The following TOP3A variants were observed in gnomAD, a reference collection of about 807,000 sequenced individuals.
TOP3A encodes DNA topoisomerase 3-alpha.
TOP3A carries 64 observed loss-of-function variants against 111.3 expected under a neutral mutation model. The observed-to-expected ratio is 0.57, with a 90% confidence interval of 0.47 to 0.71. TOP3A has a LOEUF of 0.71. Ranked by LOEUF, TOP3A falls within the 30% of genes least tolerant of loss-of-function variation. The probability of loss-of-function intolerance (pLI) is 0.00; values close to 1 mark genes in which losing one functional copy is unlikely to be tolerated. For missense variants in TOP3A, 1,104 were observed against 1,285.0 expected (o/e 0.86, Z 2.15); for synonymous variants, 484 against 485.1 (o/e 1.00, Z 0.03).
chr17:18,286,536 A>T (rs1464118481), intron 13 of TOP3A, among the ~76,000 whole-genome samples: 1 of 152,098 alleles, frequency 6.6e-6, no homozygotes, highest in East Asian at 1.9e-4. Flanking sequence ...ACAAAAAAAC[A>T]ACCAAAAAAA....
rs1979001186 is a variant in TOP3A at position 18,271,661 on chromosome 17, GAC to G, written c.*3139_*3140del. 3 of 321,006 alleles carry G rather than the reference GAC, an allele frequency of 9.3e-6. No individual in the cohort carries two copies. The highest frequency in any genetic ancestry group is 2.2e-5 in the South Asian group (1 of 45,584). The allele number at this position is 321,006 out of a possible 1,614,324, so 19.9% of individuals were successfully genotyped here. On this transcript the variant is annotated 3_prime_UTR_variant, in exon 19 of 19. Coordinates refer to ENST00000321105, the MANE Select transcript of TOP3A (RefSeq NM_004618.5). ...GCCCAATCCTGCAGTTTGCTTTTGA[GAC>G]ACACAGTTGCCTGCAGAGATGTGAA...
chr17:18,277,872 G>A lies in TOP3A; in HGVS notation c.2630C>T (p.Pro877Leu), dbSNP rs1161685644. 6 of 1,614,058 alleles carry A rather than the reference G, an allele frequency of 3.7e-6. No homozygotes were observed. The South Asian group carries it at 6.6e-5, about 18-fold the overall frequency. Residue 877 changes from proline (P) to leucine (L), a missense_variant, in exon 18 of 19, where the codon CCA (proline) becomes CTA (leucine). Transcript: ENST00000321105. Reference sequence around the variant, plus strand: ...GCCAAACCCACCTAGGTGGATCCCTGGGCCTGGTGGGCATCCCAGGGAGGC... The same window carrying A: ...GCCAAACCCACCTAGGTGGATCCCTAGGCCTGGTGGGCATCCCAGGGAGGC... ...LGASLGCPPG[P>L]GIHLGGFGNP...
intron 17 of TOP3A, among the ~76,000 whole-genome samples, chr17:18,278,572 A>G (rs1567734311): frequency 6.6e-6 from 1 of 152,222 alleles, no homozygotes; most frequent in Non-Finnish European, 1.5e-5. Context: ...GATGAAATCT[A>G]AGATCCCAGT....
At chr17:18,291,981 G>T (rs1357792235) in intron 11 of TOP3A, among the ~76,000 whole-genome samples, 2 of 151,994 alleles carry the variant, frequency 1.3e-5, no homozygotes, top group Non-Finnish European at 2.9e-5. Context: ...CACAGTGTTG[G>T]GATTACAAGC....
At chr17:18,298,670 G>A (rs1456510737) in intron 9 of TOP3A, among the ~76,000 whole-genome samples, 1 of 151,786 alleles carries the variant, frequency 6.6e-6, no homozygotes, top group Non-Finnish European at 1.5e-5. Context: ...TGTGTAGAAA[G>A]AGGTAGACGT....
intron 9 of TOP3A, among the ~76,000 whole-genome samples, chr17:18,295,254 G>C (rs1220140843): frequency 6.6e-6 from 1 of 152,164 alleles, no homozygotes; most frequent in Non-Finnish European, 1.5e-5. Context: ...CTGGGTTCAA[G>C]TGATTCTCCT....
intron 16 of TOP3A, among the ~76,000 whole-genome samples, chr17:18,281,442 T>G (rs1010791318): frequency 2.0e-5 from 3 of 152,032 alleles, no homozygotes; most frequent in Non-Finnish European, 4.4e-5. Context: ...AACTAAAGAA[T>G]AATAATAATT....
At position 18,272,559 on chromosome 17, in the gene TOP3A, A is replaced by G. The variant is rs1056078505; in HGVS notation, c.*2243T>C. Among the ~76,000 whole-genome samples, 4 of 152,228 alleles carry G rather than the reference A, an allele frequency of 2.6e-5. No homozygotes were observed. The highest frequency in any genetic ancestry group is 9.6e-5 in the African/African-American group (4 of 41,464). The stretch of plus-strand genomic sequence containing the variant: ...ACTGACAAATGGATAATCGTGTGGT[A>G]TATTCATACAGTGGGCTATCAGCTT... On this transcript the variant is annotated 3_prime_UTR_variant, in exon 19 of 19. Coordinates refer to ENST00000321105, the MANE Select transcript of TOP3A (RefSeq NM_004618.5).
At chr17:18,290,447 A>G in intron 13 of TOP3A, 110 bp downstream of exon 13, 6 of 1,240,052 alleles carry the variant, frequency 4.8e-6, no homozygotes, top group Middle Eastern at 2.1e-4. Context: ...AAATGGGATA[A>G]AGATATAGCA....
Position 18,271,648 on chromosome 17 carries a change from A to G in TOP3A, c.*3154T>C, listed in dbSNP as rs1326298878. On this transcript the variant is annotated 3_prime_UTR_variant, in exon 19 of 19. Coordinates refer to ENST00000321105, the MANE Select transcript of TOP3A (RefSeq NM_004618.5). ...AGTCCATGGTGCAGCCCAATCCTGC[A>G]GTTTGCTTTTGAGACACACAGTTGC... 1 of 327,326 alleles carries G rather than the reference A, an allele frequency of 3.1e-6. No individual in the cohort carries two copies. 20.3% of individuals were successfully genotyped at this position (327,326 alleles called of 1,614,324 possible). A position where few individuals can be genotyped will look rare whatever the true frequency, so the allele number is the denominator to read the frequency against.
At chr17:18,291,998 C>A (rs1980506093) in intron 11 of TOP3A, among the ~76,000 whole-genome samples, 1 of 152,184 alleles carries the variant, frequency 6.6e-6, no homozygotes. Flanking sequence ...AAGCATAAGC[C>A]ACCGCGTCCG....
At chr17:18,295,183 C>T (rs902778136) in intron 9 of TOP3A, among the ~76,000 whole-genome samples, 8 of 151,936 alleles carry the variant, frequency 5.3e-5, no homozygotes, top group Non-Finnish European at 7.4e-5. Context: ...GACGGAGTCT[C>T]GCCCTGTCGC....
intron 13 of TOP3A, among the ~76,000 whole-genome samples, chr17:18,287,424 G>T (rs1980171654): frequency 6.6e-6 from 1 of 152,158 alleles, no homozygotes; most frequent in African/African-American, 2.4e-5. Context: ...TACTCAGGAG[G>T]CTGAGGCAGG....
chr17:18,309,459 A>G (rs1386254617), intron 1 of TOP3A, among the ~76,000 whole-genome samples: 1 of 152,034 alleles, frequency 6.6e-6, no homozygotes, highest in African/African-American at 2.4e-5. Flanking sequence ...CCTGGCCAAC[A>G]TGGTGAAACC....
rs1979033818 is a variant in TOP3A at position 18,272,145 on chromosome 17, C to A, written c.*2657G>T. Reference sequence around the variant, plus strand: ...TCTCCAAAGAATGTATACCAATGGCCAGTAAGCCTGTGGAAAGATGGTCAA... The same window carrying A: ...TCTCCAAAGAATGTATACCAATGGCAAGTAAGCCTGTGGAAAGATGGTCAA... On this transcript the variant is annotated 3_prime_UTR_variant, in exon 19 of 19. Transcript: ENST00000321105. Among the ~76,000 whole-genome samples the A allele has an allele frequency of 6.6e-6, 1 of 152,090 alleles. No individual in the cohort carries two copies. Among genetic ancestry groups the A allele is most frequent in the Admixed American group, 6.5e-5 (1 of 15,274 alleles).
At chr17:18,289,700 A>G (rs1213588002) in intron 13 of TOP3A, among the ~76,000 whole-genome samples, 1 of 152,192 alleles carries the variant, frequency 6.6e-6, no homozygotes, top group Non-Finnish European at 1.5e-5. Context: ...GCCTTCATAC[A>G]TTTTTATCAA....
At chr17:18,283,801 T>G (rs1195271379) in intron 15 of TOP3A, among the ~76,000 whole-genome samples, 1 of 152,092 alleles carries the variant, frequency 6.6e-6, no homozygotes, top group Non-Finnish European at 1.5e-5. Context: ...CTCAATAGAG[T>G]GGCTCACAGA....
chr17:18,291,013 T>A lies in TOP3A; in HGVS notation c.1296A>T (p.Arg432=). ...AATGGCGAACAATAAACTCGTACAGTCGCTGTTCATCTCCCTAGGAAGAAA... is the reference window on the plus strand; with the variant it reads ...AATGGCGAACAATAAACTCGTACAGACGCTGTTCATCTCCCTAGGAAGAAA... ...YTNNLQGDEQ[R]LYEFIVRHFL... Residue 432 remains arginine (R), a synonymous_variant, in exon 12 of 19, where the codon CGA becomes CGT. Coordinates refer to ENST00000321105, the MANE Select transcript of TOP3A (RefSeq NM_004618.5). 6.2e-7 allele frequency: 1 copy of A among 1,614,102 alleles called. No individual in the cohort carries two copies. Among genetic ancestry groups the A allele is most frequent in the Non-Finnish European group, 8.5e-7 (1 of 1,180,014 alleles).
chr17:18,280,502 CA>C, intron 17 of TOP3A, 33 bp downstream of exon 17: 4 of 1,608,470 alleles, frequency 2.5e-6, no homozygotes, highest in Non-Finnish European at 2.5e-6. Flanking sequence ...GTACACACTC[CA>C]GAGGAGGCAC....
Sources: gnomAD v4.1 joint callset for allele counts (sites outside exome capture counted in the v4.1 genomes callset) on GRCh38, gnomAD v4.1.1 for gene constraint, MANE v1.5 for transcripts, NCBI Gene and HGNC (gene_info 2026-07-23, HGNC 2026-07-21) for gene names.